RNFT1: variants seen among roughly 807,000 people sequenced by gnomAD.
RNFT1 encodes ring finger protein, transmembrane 1.
A neutral mutation model predicts 53.2 loss-of-function variants in RNFT1; 35 were observed. That is an observed-to-expected ratio of 0.66 (90% CI 0.50 to 0.87). RNFT1 has a LOEUF of 0.87. RNFT1 is among the 40% of genes least tolerant of loss of function. The probability of loss-of-function intolerance (pLI) is 0.00; values close to 1 mark genes in which losing one functional copy is unlikely to be tolerated. For synonymous variants in RNFT1, 141 were observed against 172.8 expected, an observed-to-expected ratio of 0.82 and a Z score of 1.44; for missense variants, 421 against 515.0, an observed-to-expected ratio of 0.82 and a Z score of 1.77.
chr17:59,959,578 T>A (rs1390488457), intron 4 of RNFT1: 1 of 152,214 alleles, frequency 6.6e-6, no homozygotes, highest in Admixed American at 6.5e-5. Context: ...TGAGCATCTG[T>A]TATGTGCCAA....
At chr17:59,960,402 C>A (rs2045281376) in intron 3 of RNFT1, among the ~76,000 whole-genome samples, 1 of 80,048 alleles carries the variant, frequency 1.2e-5, no homozygotes, top group Non-Finnish European at 2.3e-5. Flanking sequence ...GTATGAAAAA[C>A]ATTACCTATG....
chr17:59,955,971 G>A (rs569105517), intron 7 of RNFT1, among the ~76,000 whole-genome samples: 4 of 152,258 alleles, frequency 2.6e-5, no homozygotes, highest in African/African-American at 9.6e-5. Context: ...TCAATTAATT[G>A]TTAAATTTCA....
rs146256947 is a variant in RNFT1, at chr17:59,958,376, G to A, written c.761C>T (p.Thr254Ile). The change falls in exon 5 of 9, where the codon ACA becomes ATA. Residue 254 changes from threonine to isoleucine, a missense_variant. Physicochemically the swap from Thr to Ile is moderately conservative, Grantham distance 89. Transcript: ENST00000305783. The part of the protein sequence containing the change: ...FWEVFWIVGI[T>I]DFILKFFFMG... ...GAAAAAGAATTTCAGAATGAAGTCT[G>A]TAATTCCAACAATCCAAAATACTTC... 1.2e-6 allele frequency: 2 copies of A among 1,605,278 alleles called. No individual in the cohort carries two copies. Among genetic ancestry groups the A allele is most frequent in the South Asian group, 1.1e-5 (1 of 88,302 alleles).
intron 3 of RNFT1, among the ~76,000 whole-genome samples, chr17:59,960,823 T>C (rs971263600): frequency 6.6e-6 from 1 of 151,458 alleles, no homozygotes; most frequent in Admixed American, 6.6e-5. Flanking sequence ...AGAAAAAAAA[T>C]GGACCCACCC....
At chr17:59,958,739 CTG>C (rs769465557) in intron 4 of RNFT1, 3 of 460,754 alleles carry the variant, frequency 6.5e-6, no homozygotes, top group South Asian at 3.3e-5. Flanking sequence ...CAGACATCTG[CTG>C]TGTTTTTCTT....
chr17:59,959,915 G>GAA (rs1005160916), intron 4 of RNFT1, 153 bp downstream of exon 4: 765 of 453,774 alleles, frequency 1.7e-3, no homozygotes, highest in South Asian at 2.6e-3. Flanking sequence ...GTCTCAAAAA[G>GAA]AAAAAAAAAA....
chr17:59,960,356 T>C (rs755740095), intron 3 of RNFT1, among the ~76,000 whole-genome samples, 188 bp from the exon 4 acceptor site: 34 of 140,380 alleles, frequency 2.4e-4, no homozygotes, highest in Non-Finnish European at 3.7e-4. Flanking sequence ...AGAACTCTTA[T>C]ATTAAACAAA....
At chr17:59,953,921 T>A in intron 8 of RNFT1, 124 bp downstream of exon 8, 1 of 606,342 alleles carries the variant, frequency 1.6e-6, no homozygotes, top group Non-Finnish European at 2.9e-6. Context: ...GTATGTACCC[T>A]GAATGCTACC....
chr17:59,952,990 A>C lies in RNFT1; in HGVS notation c.1295T>G (p.Leu432Arg). Residue 432 changes from leucine to arginine, a missense_variant, in exon 9 of 9, where the codon CTT becomes CGT. Coordinates refer to ENST00000305783, the MANE Select transcript of RNFT1 (RefSeq NM_016125.4). ...AGTTTATACAACTTAATATATTTGA[A>C]GGTGTGATGAAGTGGCTCCATCCTT... ...KWKDGATSSH[L>R]QIY 1 of 1,612,912 alleles carries C rather than the reference A, an allele frequency of 6.2e-7. No individual in the cohort carries two copies. The highest frequency in any genetic ancestry group is 8.5e-7 in the Non-Finnish European group (1 of 1,179,608).
chr17:59,960,457 G>A (rs201457312), intron 3 of RNFT1, among the ~76,000 whole-genome samples: 2,982 of 75,608 alleles, frequency 0.039, no homozygotes, highest in Middle Eastern at 0.11. Flanking sequence ...AAAAAAAAAA[G>A]AAAATTAAAT....
chr17:59,959,613 T>C (rs1251555626), intron 4 of RNFT1: 1 of 152,260 alleles, frequency 6.6e-6, no homozygotes, highest in Non-Finnish European at 1.5e-5. Flanking sequence ...AAAATCTGAG[T>C]AAGTCACTTA....
Position 59,958,369 on chromosome 17 carries a change from G to A in RNFT1, c.768C>T (p.Phe256=), listed in dbSNP as rs749764352. ...AGCCCATGAAAAAGAATTTCAGAAT[G>A]AAGTCTGTAATTCCAACAATCCAAA... ...EVFWIVGITD[F]ILKFFFMGLK... is the part of the protein sequence containing the mutation. Residue 256 remains phenylalanine (F), a synonymous_variant, in exon 5 of 9, where the codon TTC becomes TTT. Coordinates refer to ENST00000305783, the MANE Select transcript of RNFT1 (RefSeq NM_016125.4). The A allele has an allele frequency of 6.2e-7, 1 of 1,605,422 alleles. No homozygotes were observed.
intron 4 of RNFT1, among the ~76,000 whole-genome samples, chr17:59,958,883 T>C (rs1449299482): frequency 1.3e-5 from 2 of 152,230 alleles, no homozygotes; most frequent in African/African-American, 4.8e-5. Flanking sequence ...ATTTTCTTTC[T>C]AGACTTTTAA....
chr17:59,961,533 G>A (rs956240700), intron 3 of RNFT1, among the ~76,000 whole-genome samples: 11 of 151,878 alleles, frequency 7.2e-5, no homozygotes, highest in Admixed American at 3.3e-4. Context: ...TTTATATGAC[G>A]GGCTCGTGTA....
intron 3 of RNFT1, 23 bp from the exon 4 acceptor site, chr17:59,960,191 A>G (rs2045279778): frequency 6.3e-7 from 1 of 1,586,650 alleles, no homozygotes; most frequent in Non-Finnish European, 8.5e-7. Flanking sequence ...CAATTTTATA[A>G]TGTTACTTTG....
chr17:59,958,841 C>G (rs1293180995), intron 4 of RNFT1: 3 of 317,070 alleles, frequency 9.5e-6, no homozygotes, highest in South Asian at 7.4e-5. Context: ...ATTTCAAGGT[C>G]ACTCTCTTTT....
In RNFT1 at chr17:59,956,550, A is replaced by C; in HGVS notation, c.1009T>G (p.Leu337Val). The C allele has an allele frequency of 6.2e-7, 1 of 1,611,784 alleles. No individual in the cohort carries two copies. Among genetic ancestry groups the C allele is most frequent in the Non-Finnish European group, 8.5e-7 (1 of 1,178,550 alleles). Residue 337 changes from leucine to valine, a missense_variant, in exon 7 of 9, where the codon TTG (leucine) becomes GTG (valine). Leu to Val is a conservative substitution (Grantham distance 32). Transcript: ENST00000305783. ...GTTCTCAGATGCCCAAAAAATTCCA[A>C]AAGCTGAAAAGAGAAATAAGAGATC... ...LALLYLILKL[L>V]EFFGHLRTFR...
At chr17:59,962,408 T>A in intron 3 of RNFT1, 132 bp downstream of exon 3, 1 of 580,782 alleles carries the variant, frequency 1.7e-6, no homozygotes, top group Non-Finnish European at 3.0e-6. Flanking sequence ...AAATTTAACA[T>A]AACGTGGATG....
At chr17:59,956,321 C>A (rs1057274169) in intron 7 of RNFT1, among the ~76,000 whole-genome samples, 167 bp downstream of exon 7, 1 of 152,158 alleles carries the variant, frequency 6.6e-6, no homozygotes, top group South Asian at 2.1e-4. Flanking sequence ...AGAGATAAAA[C>A]TCCTAAATTA....
Sources: allele counts gnomAD v4.1 joint callset (sites outside exome capture counted in the v4.1 genomes callset), GRCh38; gene constraint gnomAD v4.1.1; transcripts MANE v1.5; gene names NCBI Gene and HGNC (gene_info 2026-07-23, HGNC 2026-07-21).